The following TXLNG variants were observed in gnomAD, a reference collection of about 807,000 sequenced individuals.
The protein encoded by TXLNG is gamma-taxilin.
TXLNG carries 5 observed loss-of-function variants against 38.8 expected under a neutral mutation model. That is an observed-to-expected ratio of 0.13 (90% CI 0.07 to 0.27). The LOEUF (loss-of-function observed/expected upper bound fraction) is 0.27. Ranked by LOEUF, TXLNG falls within the 10% of genes least tolerant of loss-of-function variation. The pLI is 1.00. For synonymous variants in TXLNG, 182 were observed against 158.2 expected (o/e 1.15, Z -1.13); for missense variants, 393 against 398.2 (o/e 0.99, Z 0.11).
intron 1 of TXLNG, among the ~76,000 whole-genome samples, chrX:16,810,793 A>T (rs1330145812): frequency 9.0e-6 from 1 of 111,672 alleles, no homozygotes; most frequent in Admixed American, 9.6e-5. Context: ...GGTTCAAACA[A>T]TTCTTGTGCC....
rs764500770 is a variant in TXLNG at position 16,834,751 on chromosome X, G to A, written c.1059+394G>A. Among the ~76,000 whole-genome samples, 15 of 112,170 alleles carry A rather than the reference G, an allele frequency of 1.3e-4. No homozygotes were observed. The South Asian group carries it at 5.5e-3, about 41-fold the overall frequency. On this transcript the variant is annotated intron_variant, in intron 7 of 9. Transcript: ENST00000380122. ...TACATCTGCATATTTTATTTATTTTGTATCAAGTTGAACCACGTGAAATTG... is the reference window on the plus strand; with the variant it reads ...TACATCTGCATATTTTATTTATTTTATATCAAGTTGAACCACGTGAAATTG...
rs1453346674 is a variant in TXLNG at position 16,813,969 on chromosome X, C to A, written c.103-4605C>A. ...GGCGTGGTGGCGGGCACCTGTAGTCCCAGCTACTCGGGAGGCTGAGGCAGG... is the reference window on the plus strand; with the variant it reads ...GGCGTGGTGGCGGGCACCTGTAGTCACAGCTACTCGGGAGGCTGAGGCAGG... On this transcript the variant is annotated intron_variant, in intron 1 of 9. Transcript: ENST00000380122. Among the ~76,000 whole-genome samples the A allele has an allele frequency of 2.7e-5, 3 of 110,522 alleles. No homozygotes were observed. The East Asian group carries it at 8.6e-4, about 32-fold the overall frequency.
At chrX:16,814,117 C>T (rs1003644067) in intron 1 of TXLNG, among the ~76,000 whole-genome samples, 56 of 110,822 alleles carry the variant, frequency 5.1e-4, no homozygotes, top group African/African-American at 1.8e-3. Flanking sequence ...TCATAATAGC[C>T]AAAAATTGGA....
chrX:16,810,262 C>T (rs981755104), intron 1 of TXLNG, among the ~76,000 whole-genome samples: 1 of 112,053 alleles, frequency 8.9e-6, no homozygotes, highest in Admixed American at 9.5e-5. Flanking sequence ...CAAGAAAAGG[C>T]ATCCAGAATG....
At chrX:16,797,755 C>G (rs901663709) in intron 1 of TXLNG, among the ~76,000 whole-genome samples, 1 of 112,465 alleles carries the variant, frequency 8.9e-6, no homozygotes, top group African/African-American at 3.2e-5. Flanking sequence ...TCATTAGAAG[C>G]CAGTCACTAG....
At chrX:16,816,154 C>T (rs955689927) in intron 1 of TXLNG, among the ~76,000 whole-genome samples, 1 of 108,788 alleles carries the variant, frequency 9.2e-6, no homozygotes, top group African/African-American at 3.4e-5. Context: ...ACAACCTCTG[C>T]CCAGCTAATT....
chrX:16,809,897 A>G (rs752057080), intron 1 of TXLNG, among the ~76,000 whole-genome samples: 1 of 112,063 alleles, frequency 8.9e-6, no homozygotes, highest in South Asian at 3.7e-4. Context: ...CCCATTATTA[A>G]ATAGGCTTCT....
chrX:16,836,722 C>G (rs1454316027), intron 7 of TXLNG, among the ~76,000 whole-genome samples: 1 of 112,645 alleles, frequency 8.9e-6, no homozygotes, highest in Non-Finnish European at 1.9e-5. Flanking sequence ...GTTTCTTGGC[C>G]TCTGAAGATC....
chrX:16,804,106 G>T (rs1382192497), intron 1 of TXLNG, among the ~76,000 whole-genome samples: 1 of 112,230 alleles, frequency 8.9e-6, no homozygotes, highest in South Asian at 3.6e-4. Context: ...GGTAATTATG[G>T]TGAACAATTT....
intron 1 of TXLNG, 45 bp downstream of exon 1, chrX:16,786,634 T>G: frequency 1.1e-6 from 1 of 930,547 alleles, no homozygotes; most frequent in Non-Finnish European, 1.4e-6. Flanking sequence ...CCGGGGGATG[T>G]TTGGGCTCCC....
chrX:16,818,727 A>G lies in TXLNG; in HGVS notation c.256A>G (p.Ser86Gly). The G allele has an allele frequency of 4.1e-6, 5 of 1,212,168 alleles. No individual in the cohort carries two copies. Among genetic ancestry groups the G allele is most frequent in the Non-Finnish European group, 5.6e-6 (5 of 895,671 alleles). Residue 86 changes from serine to glycine, a missense_variant, in exon 2 of 10, where the codon AGT becomes GGT. Transcript: ENST00000380122. Reference sequence around the variant, plus strand: ...GCATTCATTGGAAGAGGATGAAGGCAGTGACTTTATAACAGAGAACAGGAA... The same window carrying G: ...GCATTCATTGGAAGAGGATGAAGGCGGTGACTTTATAACAGAGAACAGGAA... ...NKHSLEEDEG[S>G]DFITENRNLV...
intron 1 of TXLNG, among the ~76,000 whole-genome samples, chrX:16,787,939 G>T (rs908364528): frequency 1.8e-5 from 2 of 112,230 alleles, no homozygotes; most frequent in Non-Finnish European, 3.8e-5. Context: ...TGTTTCTAAG[G>T]TCAGGTATTT....
At chrX:16,830,835 G>A (rs1419544028) in intron 5 of TXLNG, among the ~76,000 whole-genome samples, 1 of 40,324 alleles carries the variant, frequency 2.5e-5, no homozygotes, top group Non-Finnish European at 6.3e-5. Context: ...AATTCCGTGT[G>A]TGTGTGTGTG....
intron 1 of TXLNG, among the ~76,000 whole-genome samples, chrX:16,796,563 G>C (rs897699329): frequency 2.7e-5 from 3 of 112,005 alleles, no homozygotes; most frequent in African/African-American, 9.7e-5. Flanking sequence ...AAGGTCAAGG[G>C]AAAGTGTTTA....
chrX:16,836,138 G>C (rs1163646719), intron 7 of TXLNG, among the ~76,000 whole-genome samples: 2 of 111,898 alleles, frequency 1.8e-5, no homozygotes, highest in Admixed American at 9.5e-5. Flanking sequence ...TGTGCCTACA[G>C]TCCCCTCTAT....
At chrX:16,797,894 G>T (rs902296004) in intron 1 of TXLNG, among the ~76,000 whole-genome samples, 1 of 111,482 alleles carries the variant, frequency 9.0e-6, no homozygotes, top group African/African-American at 3.3e-5. Flanking sequence ...GGAAAGAGTG[G>T]CATTCTTTCA....
chrX:16,836,233 G>C (rs955042600), intron 7 of TXLNG, among the ~76,000 whole-genome samples: 4 of 112,091 alleles, frequency 3.6e-5, no homozygotes, highest in African/African-American at 1.3e-4. Flanking sequence ...CTGCACTCCA[G>C]CCTGAGCGAC....
intron 8 of TXLNG, 102 bp from the exon 9 acceptor site, chrX:16,839,719 G>T (rs1457185519): frequency 3.8e-6 from 2 of 524,343 alleles, no homozygotes; most frequent in Non-Finnish European, 6.3e-6. Flanking sequence ...GGAGGTGCAG[G>T]GATGGGGGAG....
At chrX:16,814,411 C>T (rs755296383) in intron 1 of TXLNG, among the ~76,000 whole-genome samples, 45 of 111,755 alleles carry the variant, frequency 4.0e-4, no homozygotes, top group African/African-American at 1.3e-3. Context: ...GTCAGGAGTT[C>T]GTGACCAGCC....
Sources: allele counts gnomAD v4.1 joint callset (sites outside exome capture counted in the v4.1 genomes callset), GRCh38; gene constraint gnomAD v4.1.1; transcripts MANE v1.5; gene names NCBI Gene and HGNC (gene_info 2026-07-23, HGNC 2026-07-21).